The following ASIP variants were observed in gnomAD, a reference collection of about 807,000 sequenced individuals.
ASIP encodes agouti signaling protein.
ASIP carries 11 observed loss-of-function variants against 10.3 expected under a neutral mutation model. That is an observed-to-expected ratio of 1.07 (90% CI 0.68 to 1.78). The LOEUF is 1.78. ASIP is among the 40% of genes most tolerant of loss of function. ASIP has a pLI of 0.00. For synonymous variants in ASIP, 70 were observed against 70.8 expected (o/e 0.99, Z 0.06); for missense variants, 180 against 169.2 (o/e 1.06, Z -0.35).
chr20:34,219,571 A>C (rs2035031558), intron 1 of ASIP, among the ~76,000 whole-genome samples: 1 of 152,198 alleles, frequency 6.6e-6, no homozygotes, highest in South Asian at 2.1e-4. Flanking sequence ...ATAATTAATA[A>C]ATTTGTTTAC....
intron 1 of ASIP, among the ~76,000 whole-genome samples, chr20:34,222,615 T>C (rs1568751380): frequency 6.6e-6 from 1 of 151,420 alleles, no homozygotes; most frequent in African/African-American, 2.5e-5. Context: ...GTAATGGTAA[T>C]GCAAAAGTTA....
chr20:34,187,024 G>A, the ASIP span, among the ~76,000 whole-genome samples: 1 of 152,116 alleles, frequency 6.6e-6, no homozygotes, highest in Non-Finnish European at 1.5e-5. Flanking sequence ...GTGTTACCCA[G>A]GATGGTCTCG....
At chr20:34,202,151 A>T (rs2034904068) in intron 1 of ASIP, among the ~76,000 whole-genome samples, 1 of 152,134 alleles carries the variant, frequency 6.6e-6, no homozygotes, top group Admixed American at 6.5e-5. Flanking sequence ...AGTCTTAAAG[A>T]TATTCTATCT....
chr20:34,190,264 G>C (rs1412182341), upstream of ASIP, among the ~76,000 whole-genome samples: 4 of 152,090 alleles, frequency 2.6e-5, no homozygotes, highest in Non-Finnish European at 4.4e-5. Flanking sequence ...CGTTTTACCA[G>C]GTATTTTATA....
At chr20:34,215,769 G>A in intron 1 of ASIP, 1 of 1,536,496 alleles carries the variant, frequency 6.5e-7, no homozygotes, top group Non-Finnish European at 9.0e-7. Context: ...CTCTGGGCTA[G>A]AGCTTCTGCA....
At chr20:34,215,472 A>G in intron 1 of ASIP, 2 of 1,527,494 alleles carry the variant, frequency 1.3e-6, no homozygotes, top group Non-Finnish European at 1.8e-6. Flanking sequence ...GCAGGTACAG[A>G]TCTACTCCCC....
At position 34,269,192 on chromosome 20, in the gene ASIP, A is replaced by T; in HGVS notation, c.*25A>T. The T allele has an allele frequency of 6.8e-7, 1 of 1,476,414 alleles. No homozygotes were observed. The highest frequency in any genetic ancestry group is 2.3e-5 in the Admixed American group (1 of 43,192). The allele number at this position is 1,476,414 out of a possible 1,614,324, so 91.5% of individuals were successfully genotyped here. ...AGCGCCCCCACTCCCGGCCGCGAGC[A>T]GGCAGGGCTTCGGGGACGCGGGGCG... is the stretch of plus-strand genomic sequence containing the variant. On this transcript the variant is annotated 3_prime_UTR_variant, in exon 4 of 4. Transcript: ENST00000374954.
In ASIP at chr20:34,201,017, C is replaced by CTTCTTTCTTTCTTTCT. The variant is rs1215561275; in HGVS notation, c.-11+6288_-11+6303dup. ...CCTTCCTTCCTTCCTTCCTTCCTTC[C>CTTCTTTCTTTCTTTCT]TTCTTTCTTTCTTTCTTTCTTTCTT... On this transcript the variant is annotated intron_variant, in intron 1 of 3. Coordinates refer to the ASIP transcript ENST00000568305. Among the ~76,000 whole-genome samples the CTTCTTTCTTTCTTTCT allele has an allele frequency of 3.7e-3, 233 of 63,344 alleles. 4 individuals are homozygous for CTTCTTTCTTTCTTTCT. The highest frequency in any genetic ancestry group is 8.8e-3 in the South Asian group (17 of 1,936). The allele number at this position is 63,344 out of a possible 152,430, so 41.6% of individuals were successfully genotyped here.
chr20:34,205,772 A>C (rs199764901), intron 1 of ASIP, among the ~76,000 whole-genome samples: 1 of 139,262 alleles, frequency 7.2e-6, no homozygotes, highest in African/African-American at 3.0e-5. Flanking sequence ...CATTTACAAT[A>C]CTTTAGCTAG....
upstream of ASIP, among the ~76,000 whole-genome samples, chr20:34,191,136 A>G (rs1423204335): frequency 1.3e-5 from 2 of 152,214 alleles, no homozygotes; most frequent in Non-Finnish European, 2.9e-5. Context: ...GGTGTTAAAC[A>G]GGTATTACTT....
upstream of ASIP, among the ~76,000 whole-genome samples, chr20:34,193,809 T>C (rs1382075333): frequency 5.9e-5 from 9 of 152,214 alleles, no homozygotes; most frequent in Non-Finnish European, 2.9e-5. Flanking sequence ...CAAATGTGCA[T>C]GTTACTCTGT....
upstream of ASIP, among the ~76,000 whole-genome samples, chr20:34,237,845 G>GTT (rs1221386409): frequency 2.0e-5 from 3 of 151,136 alleles, no homozygotes; most frequent in East Asian, 3.9e-4. Context: ...TTTGTGGAGT[G>GTT]TTTTTTTTTA....
chr20:34,237,420 C>T (rs934911320), upstream of ASIP, among the ~76,000 whole-genome samples: 1 of 152,090 alleles, frequency 6.6e-6, no homozygotes, highest in Non-Finnish European at 1.5e-5. Context: ...TCTTTTGATG[C>T]TTTTGTAGAT....
At chr20:34,209,379 G>T (rs2122547041) in intron 1 of ASIP, among the ~76,000 whole-genome samples, 2 of 152,368 alleles carry the variant, frequency 1.3e-5, no homozygotes, top group Middle Eastern at 6.8e-3. Flanking sequence ...CCAAGTTGTG[G>T]CTACTGACCT....
intron 3 of ASIP, 83 bp downstream of exon 3, chr20:34,262,976 G>A: frequency 6.7e-7 from 1 of 1,492,748 alleles, no homozygotes; most frequent in Middle Eastern, 1.8e-4. Context: ...CTCTGGCTAG[G>A]AACTAAATGA....
chr20:34,213,420 ATGTG>A, intron 1 of ASIP: 1 of 816,512 alleles, frequency 1.2e-6, no homozygotes, highest in Non-Finnish European at 1.9e-6. Context: ...CACCTGAAAA[ATGTG>A]AAAGTGGCTT....
chr20:34,235,853 GAAGGAAGGAAGGA>G lies in ASIP; in HGVS notation c.-10-24497_-10-24485del, dbSNP rs1414213407. On this transcript the variant is annotated intron_variant, in intron 1 of 3. Transcript: ENST00000568305. The stretch of plus-strand genomic sequence containing the variant: ...AGAAAGAAAGAAAGAAGGAAGGAAG[GAAGGAAGGAAGGA>G]AAGGAAGGAAGGAAGGAAGGAAGGA... 1.3e-3 allele frequency among the ~76,000 whole-genome samples: 61 copies of G among 45,974 alleles called. 2 individuals carry two copies. Among genetic ancestry groups the G allele is most frequent in the African/African-American group, 0.012 (37 of 3,198 alleles). The allele number at this position is 45,974 out of a possible 152,430, so 30.2% of individuals were successfully genotyped here.
At chr20:34,215,742 G>A in intron 1 of ASIP, 1 of 1,471,452 alleles carries the variant, frequency 6.8e-7, no homozygotes, top group Middle Eastern at 1.8e-4. Flanking sequence ...AACTTTACAT[G>A]ATCATCACTA....
intron 2 of ASIP, among the ~76,000 whole-genome samples, chr20:34,261,078 A>G (rs2035681234): frequency 1.3e-5 from 2 of 152,262 alleles, no homozygotes; most frequent in Admixed American, 1.3e-4. Context: ...GCTTAGGAGA[A>G]TTAAGTAACT....
Sources: gnomAD v4.1 joint callset for allele counts (sites outside exome capture counted in the v4.1 genomes callset) on GRCh38, gnomAD v4.1.1 for gene constraint, MANE v1.5 for transcripts, NCBI Gene and HGNC (gene_info 2026-07-23, HGNC 2026-07-21) for gene names.